Variants in DSCAML1 observed in about 807,000 individuals in gnomAD.
DSCAML1 encodes the protein DS cell adhesion molecule like 1, also known as cell adhesion molecule DSCAML1.
Under a neutral mutation model 200.5 loss-of-function variants are expected in DSCAML1, and 38 were observed. The observed-to-expected ratio is 0.19, with a 90% CI of 0.15 to 0.25. The LOEUF is 0.25. DSCAML1 is among the 10% of genes least tolerant of loss of function. The probability of loss-of-function intolerance (pLI) is 1.00; values close to 1 mark genes in which losing one functional copy is unlikely to be tolerated. For synonymous variants in DSCAML1, 1,215 were observed against 1,165.0 expected (o/e 1.04, Z -0.87); for missense variants, 2,223 against 2,858.8 (o/e 0.78, Z 5.07).
intron 3 of DSCAML1, among the ~76,000 whole-genome samples, chr11:117,665,703 T>C (rs2052961484): frequency 6.7e-6 from 1 of 149,450 alleles, no homozygotes; most frequent in African/African-American, 2.4e-5. Context: ...TGCGTGGAAC[T>C]GGGATTCACA....
rs1467024411 is a variant in DSCAML1, at chr11:117,780,386, A to G, written c.364+107T>C. 4 of 1,011,784 alleles carry G rather than the reference A, an allele frequency of 4.0e-6. No individual in the cohort carries two copies. Among genetic ancestry groups the G allele is most frequent in the Admixed American group, 6.3e-5 (2 of 31,622 alleles). 62.7% of individuals were successfully genotyped at this position (1,011,784 alleles called of 1,614,324 possible). ...AACAAAGATTCAAAAGAGAACAACA[A>G]AACTGTTCTTGAGTGAACGACTTCT... On this transcript the variant is annotated intron_variant, in intron 2 of 32. Coordinates refer to ENST00000651296, the MANE Select transcript of DSCAML1 (RefSeq NM_020693.4). This position sits in a 1 kb window ranked among gnomAD's most constrained non-coding sequence, Gnocchi z 4.8.
chr11:117,430,699 T>G, intron 32 of DSCAML1, 23 bp downstream of exon 32: 1 of 1,591,916 alleles, frequency 6.3e-7, no homozygotes, highest in Non-Finnish European at 8.6e-7. Context: ...GGGCACTGCC[T>G]GGGAGGTGGT....
chr11:117,443,231 G>T (rs1592584980), intron 21 of DSCAML1, among the ~76,000 whole-genome samples: 1 of 152,292 alleles, frequency 6.6e-6, no homozygotes, highest in East Asian at 1.9e-4. Flanking sequence ...GCTCAGCCTT[G>T]CAGCTCTACC....
intron 4 of DSCAML1, among the ~76,000 whole-genome samples, chr11:117,531,415 A>T (rs1264526921): frequency 6.6e-6 from 1 of 152,216 alleles, no homozygotes; most frequent in Non-Finnish European, 1.5e-5. Context: ...AATCCCAGAT[A>T]CACAGGAGGA....
intron 11 of DSCAML1, among the ~76,000 whole-genome samples, chr11:117,486,301 GAAAGTAGTGGATGTGAAAGTA>G (rs1479748446): frequency 3.1e-4 from 39 of 124,326 alleles, no homozygotes; most frequent in African/African-American, 9.5e-4. Flanking sequence ...TGGCAGATGT[GAAAGTAGTGGATGTGAAAGTA>G]GCGGATGTGA....
At chr11:117,679,272 T>C (rs370164542) in intron 3 of DSCAML1, among the ~76,000 whole-genome samples, 2 of 152,146 alleles carry the variant, frequency 1.3e-5, no homozygotes, top group East Asian at 3.9e-4. Context: ...GGCAGAGACC[T>C]AGCAGACACC....
At chr11:117,492,561 A>G (rs2049203478) in intron 11 of DSCAML1, among the ~76,000 whole-genome samples, 1 of 152,184 alleles carries the variant, frequency 6.6e-6, no homozygotes, top group Admixed American at 6.5e-5. Flanking sequence ...CTGAGAGGTG[A>G]GGGGGCCCCT....
intron 3 of DSCAML1, among the ~76,000 whole-genome samples, chr11:117,580,553 C>G (rs1218814526): frequency 1.4e-5 from 2 of 144,160 alleles, no homozygotes; most frequent in Non-Finnish European, 3.1e-5. Flanking sequence ...CTTTGTGATG[C>G]CTTGCACCCA....
At chr11:117,539,885 A>G (rs1219262696) in intron 3 of DSCAML1, among the ~76,000 whole-genome samples, 1 of 152,260 alleles carries the variant, frequency 6.6e-6, no homozygotes, top group Non-Finnish European at 1.5e-5. Flanking sequence ...CTGTCCATCA[A>G]CAGACAAATG....
intron 3 of DSCAML1, among the ~76,000 whole-genome samples, chr11:117,581,681 A>G: frequency 6.6e-6 from 1 of 152,084 alleles, no homozygotes; most frequent in South Asian, 2.1e-4. Flanking sequence ...TTCTCAAGAC[A>G]CCTCTGAGTC....
At chr11:117,656,989 A>G (rs1049589811) in intron 3 of DSCAML1, among the ~76,000 whole-genome samples, 1 of 152,224 alleles carries the variant, frequency 6.6e-6, no homozygotes, top group Admixed American at 6.5e-5. Context: ...AGGAGCTTAC[A>G]TGTTGAGTTA....
chr11:117,709,201 T>A (rs2053802205), intron 3 of DSCAML1, among the ~76,000 whole-genome samples: 1 of 152,206 alleles, frequency 6.6e-6, no homozygotes, highest in African/African-American at 2.4e-5. Flanking sequence ...CAAGTGTGCA[T>A]GGGCTGCCAT....
intron 2 of DSCAML1, among the ~76,000 whole-genome samples, chr11:117,779,784 G>A (rs188871465): frequency 1.3e-5 from 2 of 152,306 alleles, no homozygotes; most frequent in Admixed American, 1.3e-4. Flanking sequence ...CACAAAAGAA[G>A]CTTGAGGAAC....
At chr11:117,514,543 G>T (rs1231688402) in intron 8 of DSCAML1, among the ~76,000 whole-genome samples, 1 of 150,410 alleles carries the variant, frequency 6.6e-6, no homozygotes, top group Non-Finnish European at 1.5e-5. Flanking sequence ...ACACCAGATG[G>T]CAATTTACTT....
At chr11:117,773,101 G>C (rs1168324335) in intron 3 of DSCAML1, among the ~76,000 whole-genome samples, 1 of 152,228 alleles carries the variant, frequency 6.6e-6, no homozygotes, top group Non-Finnish European at 1.5e-5. Flanking sequence ...AGGCTAACCT[G>C]TGAGTAAGCA....
intron 4 of DSCAML1, among the ~76,000 whole-genome samples, chr11:117,528,559 G>A (rs2050019789): frequency 6.6e-6 from 1 of 152,126 alleles, no homozygotes; most frequent in African/African-American, 2.4e-5. Context: ...GAGATGCCCT[G>A]GGGAGGCTGC....
intron 6 of DSCAML1, among the ~76,000 whole-genome samples, 177 bp downstream of exon 6, chr11:117,520,953 G>T (rs532388662): frequency 6.6e-6 from 1 of 152,302 alleles, no homozygotes; most frequent in East Asian, 1.9e-4. Flanking sequence ...AGATTAAAAA[G>T]ATTTAAATAT....
At chr11:117,574,592 C>T (rs1031886601) in intron 3 of DSCAML1, among the ~76,000 whole-genome samples, 5 of 152,124 alleles carry the variant, frequency 3.3e-5, no homozygotes, top group Non-Finnish European at 7.4e-5. Flanking sequence ...TGGTGCCTCC[C>T]CTTATCATCT....
At chr11:117,723,093 A>G (rs1476513064) in intron 3 of DSCAML1, among the ~76,000 whole-genome samples, 1 of 152,216 alleles carries the variant, frequency 6.6e-6, no homozygotes, top group African/African-American at 2.4e-5. Flanking sequence ...CAAAAATTAA[A>G]TGCCAACACG....
Sources: allele counts gnomAD v4.1 joint callset (sites outside exome capture counted in the v4.1 genomes callset), GRCh38; gene constraint gnomAD v4.1.1; non-coding constraint Gnocchi (gnomAD v3.1); transcripts MANE v1.5; gene names NCBI Gene and HGNC (gene_info 2026-07-23, HGNC 2026-07-21).